The following POLR2F variants were observed in gnomAD, a reference collection of about 807,000 sequenced individuals.
The protein encoded by POLR2F is RNA polymerase II, I and III subunit F.
In POLR2F, 12 loss-of-function variants were observed where a neutral mutation model predicts 22.7. The ratio of observed to expected loss-of-function variants is 0.53; its 90% CI spans 0.34 to 0.86. POLR2F has a LOEUF of 0.86. Among genes scored for constraint, POLR2F ranks in the 40% least tolerant of loss-of-function variants. The probability of loss-of-function intolerance (pLI) is 0.02; values close to 1 mark genes in which losing one functional copy is unlikely to be tolerated. For synonymous variants in POLR2F, 57 were observed against 66.0 expected (o/e 0.86, Z 0.66); for missense variants, 126 against 171.5 (o/e 0.73, Z 1.48).
rs555979060 is a variant in POLR2F, at chr22:37,958,187, C to CTT, written c.91-1141_91-1140dup. The stretch of plus-strand genomic sequence containing the variant: ...ACCACCATGCCCAGCTCAGAGTCAA[C>CTT]TTTTTTTTTTTTTTTTTTTGAGACG... On this transcript the variant is annotated intron_variant, in intron 2 of 4. Transcript: ENST00000442738. 7.5e-3 allele frequency among the ~76,000 whole-genome samples: 999 copies of CTT among 133,264 alleles called. 18 individuals are homozygous for CTT. Among genetic ancestry groups the CTT allele is most frequent in the African/African-American group, 0.026 (959 of 36,262 alleles). The allele number at this position is 133,264 out of a possible 152,430, so 87.4% of individuals were successfully genotyped here.
chr22:37,977,028 C>T (rs534357787), intron 4 of POLR2F, among the ~76,000 whole-genome samples: 2 of 151,858 alleles, frequency 1.3e-5, no homozygotes, highest in Non-Finnish European at 2.9e-5. Flanking sequence ...ATGAGCCAGA[C>T]GTGGCGGTGT....
In POLR2F at chr22:37,956,096, G is replaced by T. The variant is rs139990790; in HGVS notation, c.21-677G>T. Among the ~76,000 whole-genome samples, 1,436 of 151,414 alleles carry T rather than the reference G, an allele frequency of 9.5e-3. 9 individuals carry two copies. The highest frequency in any genetic ancestry group is 0.015 in the Non-Finnish European group (994 of 67,840). Reference sequence around the variant, plus strand: ...TTTGTTTTTTGTTTTGCGGTGGCGGGGGGGGGTTTTGAGACGGAGTTTCAC... The same window carrying T: ...TTTGTTTTTTGTTTTGCGGTGGCGGTGGGGGGTTTTGAGACGGAGTTTCAC... On this transcript the variant is annotated intron_variant, in intron 1 of 4. Coordinates refer to ENST00000442738, the MANE Select transcript of POLR2F (RefSeq NM_021974.5).
Position 38,009,214 on chromosome 22 carries a change from G to A in POLR2F, c.121-16655G>A, listed in dbSNP as rs186590994. ...GGGACCACCAGATGGTCCCTGTGGC[G>A]ACATGGGCTCGTACTCCAAGGGCAG... On this transcript the variant is annotated intron_variant, in intron 1 of 2. Transcript: ENST00000333418. Among the ~76,000 whole-genome samples, 651 of 152,352 alleles carry A rather than the reference G, an allele frequency of 4.3e-3. 3 individuals are homozygous for A. The highest frequency in any genetic ancestry group is 0.018 in the South Asian group (88 of 4,824).
intron 3 of POLR2F, among the ~76,000 whole-genome samples, chr22:37,963,227 G>A (rs953659662): frequency 2.0e-5 from 3 of 152,022 alleles, no homozygotes; most frequent in African/African-American, 7.3e-5. Context: ...CTGATCTCAG[G>A]TGATCCTCCT....
At chr22:38,034,860 C>T (rs900924521) in intron 5 of POLR2F, among the ~76,000 whole-genome samples, 1 of 152,130 alleles carries the variant, frequency 6.6e-6, no homozygotes, top group Non-Finnish European at 1.5e-5. Context: ...CGGCCCAGGG[C>T]TGGGAGTGGT....
At position 37,956,715 on chromosome 22, in the gene POLR2F, C is replaced by T. The variant is rs1444712352; in HGVS notation, c.21-58C>T. Reference sequence around the variant, plus strand: ...TACAAGTGTGATCCACCGTGCCTGGCCCCTCTTTGATTCTTTTAAGTGATG... The same window carrying T: ...TACAAGTGTGATCCACCGTGCCTGGTCCCTCTTTGATTCTTTTAAGTGATG... On this transcript the variant is annotated intron_variant, in intron 1 of 4. Transcript: ENST00000442738. 17 of 1,351,992 alleles carry T rather than the reference C, an allele frequency of 1.3e-5. No individual in the cohort carries two copies. The East Asian group carries it at 3.7e-4, about 29-fold the overall frequency. 83.7% of individuals were successfully genotyped at this position (1,351,992 alleles called of 1,614,324 possible).
At chr22:37,963,673 A>G (rs1931738821) in intron 3 of POLR2F, among the ~76,000 whole-genome samples, 1 of 152,244 alleles carries the variant, frequency 6.6e-6, no homozygotes, top group Non-Finnish European at 1.5e-5. Flanking sequence ...AATATAGGCT[A>G]AAAGTGGCCC....
intron 1 of POLR2F, among the ~76,000 whole-genome samples, chr22:37,995,082 C>T (rs2084700755): frequency 6.6e-6 from 1 of 152,228 alleles, no homozygotes; most frequent in South Asian, 2.1e-4. Flanking sequence ...CTGCCAAGGT[C>T]CCAGCTCCTG....
intron 1 of POLR2F, among the ~76,000 whole-genome samples, chr22:37,990,119 T>A (rs1321202192): frequency 6.6e-6 from 1 of 151,950 alleles, no homozygotes; most frequent in African/African-American, 2.4e-5. Flanking sequence ...CTGAGCCGAG[T>A]TGCTGTCAGA....
chr22:38,028,053 G>A (rs190703613), downstream of POLR2F, among the ~76,000 whole-genome samples: 239 of 152,276 alleles, frequency 1.6e-3, 2 homozygotes, highest in Non-Finnish European at 2.5e-4. Flanking sequence ...GTAAGCCATC[G>A]TATCTGCATC....
At chr22:37,986,021 C>T, upstream of POLR2F, 5 of 1,373,618 alleles carry the variant, frequency 3.6e-6, no homozygotes, top group Non-Finnish European at 4.7e-6. This position sits in a 1 kb window ranked among gnomAD's most constrained non-coding sequence, Gnocchi z 4.7. Context: ...ACCCTCCTCC[C>T]CCCGCCTCCC....
rs761964567 is a variant in POLR2F, at chr22:37,997,014, C to T, written c.120+10702C>T. ...GTCCTACTCGGGAAGGCAAGGGCTG[C>T]AGTGGCTGGCTGCATCCTCTGGGGT... On this transcript the variant is annotated intron_variant, in intron 1 of 2. Transcript: ENST00000333418. The surrounding 1 kb of genome is among the most constrained non-coding windows in gnomAD (Gnocchi z 4.4). Among the ~76,000 whole-genome samples the T allele has an allele frequency of 2.6e-5, 4 of 152,146 alleles. No individual in the cohort carries two copies. Among genetic ancestry groups the T allele is most frequent in the Non-Finnish European group, 5.9e-5 (4 of 68,002 alleles).
chr22:38,033,516 A>C (rs2085085815), intron 5 of POLR2F, among the ~76,000 whole-genome samples: 1 of 152,184 alleles, frequency 6.6e-6, no homozygotes, highest in Non-Finnish European at 1.5e-5. Flanking sequence ...AGCTGCTGGG[A>C]ACTCCAGGAC....
chr22:37,953,704 AG>A lies in POLR2F; in HGVS notation c.-82del. ...TTACGGCGCAGGCGCAAGATAAGCT[AG>A]GAGCCGCGCGAGTCGTAGTGTCGCT... is the stretch of plus-strand genomic sequence containing the variant. On this transcript the variant is annotated 5_prime_UTR_variant, in exon 1 of 5. Coordinates refer to ENST00000442738, the MANE Select transcript of POLR2F (RefSeq NM_021974.5). 2.0e-6 allele frequency: 3 copies of A among 1,516,702 alleles called. No homozygotes were observed. The highest frequency in any genetic ancestry group is 2.7e-6 in the Non-Finnish European group (3 of 1,119,796). The allele number at this position is 1,516,702 out of a possible 1,614,324, so 94.0% of individuals were successfully genotyped here.
In POLR2F at chr22:37,986,267, G is replaced by T; in HGVS notation, c.77G>T (p.Arg26Leu). ...TGCCCTGCAGTCGCCTCCAACACCC[G>T]CTGCTGCCCGCCCGCTGCCTGCCTG... The change falls in exon 1 of 3, where the codon CGC becomes CTC. Residue 26 changes from arginine to leucine, a missense_variant. Arg to Leu is a moderately radical substitution (Grantham distance 102). Coordinates refer to the POLR2F transcript ENST00000333418. This position sits in a 1 kb window ranked among gnomAD's most constrained non-coding sequence, Gnocchi z 4.7. 3 of 1,539,114 alleles carry T rather than the reference G, an allele frequency of 1.9e-6. No individual in the cohort carries two copies. The highest frequency in any genetic ancestry group is 2.4e-5 in the South Asian group (2 of 84,026).
intron 5 of POLR2F, chr22:38,033,264 A>G (rs780327549): frequency 1.3e-5 from 2 of 152,082 alleles, no homozygotes; most frequent in Non-Finnish European, 2.9e-5. Context: ...TTTCTTCGCC[A>G]GCCTTTTCAG....
At chr22:38,004,890 G>A (rs1422158823) in intron 1 of POLR2F, among the ~76,000 whole-genome samples, 1 of 152,216 alleles carries the variant, frequency 6.6e-6, no homozygotes, top group Admixed American at 6.5e-5. Context: ...GTTGCGGTGA[G>A]CTGAAATTGG....
intron 5 of POLR2F, chr22:38,032,128 G>C (rs1251703517): frequency 2.0e-5 from 3 of 152,096 alleles, no homozygotes; most frequent in Admixed American, 6.6e-5. Context: ...CTTCCAAATA[G>C]CTGGAAGCCT....
intron 1 of POLR2F, among the ~76,000 whole-genome samples, chr22:38,018,203 G>A (rs2145817507): frequency 6.6e-6 from 1 of 152,348 alleles, no homozygotes; most frequent in Non-Finnish European, 1.5e-5. Flanking sequence ...AGAGGGCGAA[G>A]GCTCAGTCTG....
Sources: gnomAD v4.1 joint callset for allele counts (sites outside exome capture counted in the v4.1 genomes callset) on GRCh38, gnomAD v4.1.1 for gene constraint, Gnocchi (gnomAD v3.1) non-coding constraint, MANE v1.5 for transcripts, NCBI Gene and HGNC (gene_info 2026-07-23, HGNC 2026-07-21) for gene names.